Variants in CCDC88B observed in about 807,000 individuals in gnomAD.
CCDC88B encodes the protein coiled-coil domain-containing protein 88B.
In CCDC88B, 138 loss-of-function variants were observed where a neutral mutation model predicts 183.7. The ratio of observed to expected loss-of-function variants is 0.75; its 90% CI spans 0.65 to 0.87. The LOEUF (loss-of-function observed/expected upper bound fraction) is 0.87, where lower values mean the gene tolerates loss of function less well. CCDC88B is among the 40% of genes least tolerant of loss of function. CCDC88B has a pLI of 0.00. For synonymous variants in CCDC88B, 835 were observed against 867.5 expected, an observed-to-expected ratio of 0.96 and a Z score of 0.66; for missense variants, 1,822 against 1,965.6, an observed-to-expected ratio of 0.93 and a Z score of 1.38.
chr11:64,354,263 T>A, intron 24 of CCDC88B, 93 bp downstream of exon 24: 1 of 1,131,340 alleles, frequency 8.8e-7, no homozygotes, highest in Non-Finnish European at 1.1e-6. Flanking sequence ...CCTGCATGCG[T>A]GACCCCATTG....
intron 16 of CCDC88B, among the ~76,000 whole-genome samples, 165 bp from the exon 17 acceptor site, chr11:64,350,995 G>C (rs2036305719): frequency 6.6e-6 from 1 of 152,226 alleles, no homozygotes; most frequent in Admixed American, 6.5e-5. Context: ...GGAGCTTCAG[G>C]AACCAGGAGC....
chr11:64,353,780 G>A lies in CCDC88B; in HGVS notation c.3899G>A (p.Arg1300His), dbSNP rs754255289. The A allele has an allele frequency of 1.2e-5, 20 of 1,613,894 alleles. No homozygotes were observed. The highest frequency in any genetic ancestry group is 2.7e-5 in the African/African-American group (2 of 74,880). The change falls in exon 23 of 27, where the codon CGC (arginine) becomes CAC (histidine). Residue 1300 changes from arginine (R) to histidine (H), a missense_variant. Coordinates refer to ENST00000356786, the MANE Select transcript of CCDC88B (RefSeq NM_032251.6). The part of the protein sequence containing the change: ...KLVEKIMDQY[R>H]VLEPVPLPRT... The stretch of plus-strand genomic sequence containing the variant: ...GTGGAGAAGATCATGGACCAATACC[G>A]CGTGCTGGAGCCTGTGCCCCTGCCC...
chr11:64,342,331 G>A lies in CCDC88B; in HGVS notation c.859G>A (p.Glu287Lys), dbSNP rs767379029. 6.9e-6 allele frequency: 11 copies of A among 1,595,188 alleles called. No individual in the cohort carries two copies. Among genetic ancestry groups the A allele is most frequent in the Non-Finnish European group, 7.7e-6 (9 of 1,171,588 alleles). ...KAELLLDSQAEVQGLEAEIRR... is the reference protein window; with the variant it reads ...KAELLLDSQAKVQGLEAEIRR... Reference sequence around the variant, plus strand: ...CGAGCTGCTGCTAGACTCCCAGGCCGAGGTGCAGGGTTTGGAGGCCGAAAT... The same window carrying A: ...CGAGCTGCTGCTAGACTCCCAGGCCAAGGTGCAGGGTTTGGAGGCCGAAAT... The change falls in exon 9 of 27, where the codon GAG (glutamate) becomes AAG (lysine). Residue 287 changes from glutamate to lysine, a missense_variant. Transcript: ENST00000356786.
chr11:64,341,805 T>C (rs1450814257), intron 7 of CCDC88B, 63 bp downstream of exon 7: 5 of 1,533,508 alleles, frequency 3.3e-6, no homozygotes, highest in South Asian at 2.5e-5. Context: ...AGGGAGCCGG[T>C]TGTGCAAGGG....
At chr11:64,343,406 C>T (rs2035967394) in intron 11 of CCDC88B, 81 bp downstream of exon 11, 1 of 1,538,984 alleles carries the variant, frequency 6.5e-7, no homozygotes, top group Admixed American at 2.0e-5. Flanking sequence ...CCTAGTGATT[C>T]TTGCAACCTC....
chr11:64,351,083 C>T lies in CCDC88B; in HGVS notation c.2863-77C>T. On this transcript the variant is annotated intron_variant, in intron 16 of 26. Transcript: ENST00000356786. ...GCTAAATGCTGCTGGCAGGGCAGGT[C>T]CATAAGCGCAGGTCCTTGAGGCATC... is the stretch of plus-strand genomic sequence containing the variant. The T allele has an allele frequency of 3.8e-6, 4 of 1,045,786 alleles. No homozygotes were observed. In the East Asian group the frequency reaches 8.7e-5, roughly 23 times the overall value. The allele number at this position is 1,045,786 out of a possible 1,614,324, so 64.8% of individuals were successfully genotyped here. A position where few individuals can be genotyped will look rare whatever the true frequency, so the allele number is the denominator to read the frequency against.
In CCDC88B at chr11:64,344,873, G is replaced by A. The variant is rs546206495; in HGVS notation, c.2332G>A (p.Glu778Lys). Residue 778 changes from glutamate to lysine, a missense_variant, in exon 14 of 27, where the codon GAG becomes AAG. Physicochemically the swap from Glu to Lys is moderately conservative, Grantham distance 56. Transcript: ENST00000356786. The surrounding 1 kb of genome is among the most constrained non-coding windows in gnomAD (Gnocchi z 4.5). ...ELAQARRAEA[E>K]AHREAEAQAW... ...GGCCCAAGCGCGAAGGGCAGAGGCC[G>A]AGGCCCACCGGGAGGCAGAGGCCCA... is the stretch of plus-strand genomic sequence containing the variant. 1.3e-5 allele frequency: 21 copies of A among 1,603,542 alleles called. No homozygotes were observed. Among genetic ancestry groups the A allele is most frequent in the East Asian group, 2.3e-5 (1 of 44,442 alleles).
chr11:64,346,148 G>A lies in CCDC88B; in HGVS notation c.2616+991G>A, dbSNP rs1050802550. 5.3e-5 allele frequency among the ~76,000 whole-genome samples: 8 copies of A among 152,312 alleles called. No homozygotes were observed. The South Asian group carries it at 1.2e-3, about 24-fold the overall frequency. On this transcript the variant is annotated intron_variant, in intron 14 of 26. Coordinates refer to ENST00000356786, the MANE Select transcript of CCDC88B (RefSeq NM_032251.6). The stretch of plus-strand genomic sequence containing the variant: ...CCAGGGTAGAACTGTGTGGGGCTGC[G>A]CTTGAGGAGGGTCACCTTGGTGGAC...
Position 64,340,622 on chromosome 11 carries a change from G to A in CCDC88B, c.76G>A (p.Gly26Arg), listed in dbSNP as rs1565391737. The change falls in exon 2 of 27, where the codon GGG (glycine) becomes AGG (arginine). Residue 26 changes from glycine to arginine, a missense_variant. Transcript: ENST00000356786. ...SLATWALGLA[G>R]LVGEAEDSEG... ...CTCCTCACAGGCGCTGGGACTGGCC[G>A]GGCTGGTCGGGGAGGCGGAGGACTC... 1.2e-6 allele frequency: 2 copies of A among 1,609,578 alleles called. No individual in the cohort carries two copies. The highest frequency in any genetic ancestry group is 8.5e-7 in the Non-Finnish European group (1 of 1,179,474).
intron 24 of CCDC88B, 125 bp downstream of exon 24, chr11:64,354,295 C>T: frequency 2.5e-6 from 2 of 786,836 alleles, no homozygotes; most frequent in Non-Finnish European, 3.5e-6. Flanking sequence ...GGCCTGCCCC[C>T]CCTGCCCTGA....
Position 64,340,709 on chromosome 11 carries a change from C to A in CCDC88B, c.163C>A (p.Arg55Ser). 1 of 1,612,514 alleles carries A rather than the reference C, an allele frequency of 6.2e-7. No individual in the cohort carries two copies. Among genetic ancestry groups the A allele is most frequent in the Non-Finnish European group, 8.5e-7 (1 of 1,179,806 alleles). Residue 55 changes from arginine to serine, a missense_variant, in exon 2 of 27, where the codon CGC (arginine) becomes AGC (serine). Coordinates refer to ENST00000356786, the MANE Select transcript of CCDC88B (RefSeq NM_032251.6). ...CCTTTGGTTGGAGAAGAGATTCCTG[C>A]GCCTCAGCGATGGGGCCCTGCTCCT... ...PPLWLEKRFL[R>S]LSDGALLLRV... is the part of the protein sequence containing the mutation.
chr11:64,356,172 T>TA (rs2036541528), intron 26 of CCDC88B: 1 of 151,888 alleles, frequency 6.6e-6, no homozygotes, highest in Non-Finnish European at 1.5e-5. Context: ...TTATTATTAT[T>TA]TTTTTTAGTA....
intron 16 of CCDC88B, 56 bp downstream of exon 16, chr11:64,349,724 G>A: frequency 6.8e-7 from 1 of 1,469,000 alleles, no homozygotes; most frequent in South Asian, 1.2e-5. Context: ...TCCATCCCAT[G>A]AGCAGATGCC....
chr11:64,355,237 C>T lies in CCDC88B; in HGVS notation c.4143C>T (p.Leu1381=). Residue 1381 remains leucine, a synonymous_variant, in exon 25 of 27, where the codon CTC becomes CTT. Transcript: ENST00000356786. ...PAPMRRAQSS[L]CLRDETLAGG... is the part of the protein sequence containing the mutation. ...CCATGCGCCGGGCCCAGAGCTCCCT[C>T]TGCCTGCGGGATGAGACCTTGGCAG... 1.3e-6 allele frequency: 2 copies of T among 1,529,426 alleles called. No individual in the cohort carries two copies. The highest frequency in any genetic ancestry group is 1.8e-6 in the Non-Finnish European group (2 of 1,142,318). The allele number at this position is 1,529,426 out of a possible 1,614,324, so 94.7% of individuals were successfully genotyped here.
chr11:64,357,050 C>T lies in CCDC88B; in HGVS notation c.4387C>T (p.Gln1463Ter). Residue 1463 changes from glutamine to a stop codon, truncating the protein, a stop_gained, in exon 27 of 27, where the codon CAG becomes TAG. Transcript: ENST00000356786. LOFTEE classifies it high-confidence loss of function. ...TDANREGPEV[Q>*]EPEKRPLTPS... ...GCCTTTCCCTCTAGGCCCTGAGGTA[C>T]AGGAACCGGAGAAACGTCCCCTCAC... The T allele has an allele frequency of 1.3e-6, 2 of 1,597,620 alleles. No homozygotes were observed. The highest frequency in any genetic ancestry group is 1.1e-5 in the South Asian group (1 of 89,200).
chr11:64,346,720 G>A (rs1479273934), intron 14 of CCDC88B, among the ~76,000 whole-genome samples: 3 of 151,812 alleles, frequency 2.0e-5, no homozygotes, highest in Non-Finnish European at 2.9e-5. Context: ...GATTACAAGC[G>A]TGAGCCACCG....
chr11:64,343,826 C>A lies in CCDC88B; in HGVS notation c.1367C>A (p.Ala456Glu). The A allele has an allele frequency of 6.3e-7, 1 of 1,595,706 alleles. No homozygotes were observed. The highest frequency in any genetic ancestry group is 8.5e-7 in the Non-Finnish European group (1 of 1,171,674). Residue 456 changes from alanine to glutamate, a missense_variant, in exon 13 of 27, where the codon GCA becomes GAA. Ala to Glu is a moderately radical substitution (Grantham distance 107, BLOSUM62 -1). Transcript: ENST00000356786. ...TCGCTGCAAGATGAGGTGAGGGAGG[C>A]AGAGGCTGGGCGGCTTCGGACCCTT... ...APSLQDEVRE[A>E]EAGRLRTLER...
At chr11:64,354,281 C>A in intron 24 of CCDC88B, 111 bp downstream of exon 24, 1 of 921,188 alleles carries the variant, frequency 1.1e-6, no homozygotes, top group Non-Finnish European at 1.4e-6. Flanking sequence ...TTGGCCTTCC[C>A]TGAGGCCTGC....
At position 64,343,564 on chromosome 11, in the gene CCDC88B, G is replaced by A. The variant is rs920643337; in HGVS notation, c.1267G>A (p.Glu423Lys). 2 of 1,551,950 alleles carry A rather than the reference G, an allele frequency of 1.3e-6. No homozygotes were observed. Among genetic ancestry groups the A allele is most frequent in the South Asian group, 1.2e-5 (1 of 84,072 alleles). The change falls in exon 12 of 27, where the codon GAG (glutamate) becomes AAG (lysine). Residue 423 changes from glutamate (E) to lysine (K), a missense_variant. Transcript: ENST00000356786. ...DQLAEENVEL[E>K]LELQRSLEPP... is the part of the protein sequence containing the mutation. ...GCTGGCTGAGGAGAATGTGGAGCTG[G>A]AGCTGGAGCTTCAGCGGAGCTTGGA...
Sources: gnomAD v4.1 joint callset for allele counts (sites outside exome capture counted in the v4.1 genomes callset) on GRCh38, gnomAD v4.1.1 for gene constraint, Gnocchi (gnomAD v3.1) non-coding constraint, MANE v1.5 for transcripts, NCBI Gene and HGNC (gene_info 2026-07-23, HGNC 2026-07-21) for gene names.